The following ELOVL2 variants were observed in gnomAD, a reference collection of about 807,000 sequenced individuals.
The protein encoded by ELOVL2 is very long chain fatty acid elongase 2.
ELOVL2 carries 38 observed loss-of-function variants against 37.7 expected under a neutral mutation model. The observed-to-expected ratio is 1.01, with a 90% CI of 0.78 to 1.32. The LOEUF (loss-of-function observed/expected upper bound fraction) is 1.32, where lower values mean the gene tolerates loss of function less well. Among genes scored for constraint, ELOVL2 ranks in the 40% most tolerant of loss-of-function variants. The pLI is 0.00. For missense variants in ELOVL2, 352 were observed against 363.6 expected (o/e 0.97, Z 0.26); for synonymous variants, 115 against 122.3 (o/e 0.94, Z 0.40).
At chr6:10,993,867 T>C (rs1782212539) in intron 5 of ELOVL2, among the ~76,000 whole-genome samples, 1 of 119,890 alleles carries the variant, frequency 8.3e-6, no homozygotes, top group East Asian at 3.1e-4. Flanking sequence ...ATTTTTTTTT[T>C]TTTTTTTTTT....
rs186934807 is a variant in ELOVL2, at chr6:11,029,923, T to C, written c.3+14305A>G. Among the ~76,000 whole-genome samples, 8 of 152,360 alleles carry C rather than the reference T, an allele frequency of 5.3e-5. No homozygotes were observed. In the East Asian group the frequency reaches 9.6e-4, roughly 18 times the overall value. ...GCTCTCCTTATTCCTTTATGCTCACTGCCCAGCTTGCCTCAGTTTCCCTAT... is the reference window on the plus strand; with the variant it reads ...GCTCTCCTTATTCCTTTATGCTCACCGCCCAGCTTGCCTCAGTTTCCCTAT... On this transcript the variant is annotated intron_variant, in intron 1 of 7. Coordinates refer to ENST00000354666, the MANE Select transcript of ELOVL2 (RefSeq NM_017770.4).
chr6:11,004,576 G>A (rs1782447156), intron 3 of ELOVL2, among the ~76,000 whole-genome samples: 1 of 152,040 alleles, frequency 6.6e-6, no homozygotes, highest in Non-Finnish European at 1.5e-5. Flanking sequence ...TGGAGCACAG[G>A]ATGTAACAAA....
intron 1 of ELOVL2, among the ~76,000 whole-genome samples, chr6:11,033,450 C>T (rs915653192): frequency 6.6e-6 from 1 of 152,078 alleles, no homozygotes; most frequent in Non-Finnish European, 1.5e-5. Flanking sequence ...GGGGTTAAGG[C>T]TTTAGATTAA....
intron 6 of ELOVL2, among the ~76,000 whole-genome samples, chr6:10,990,046 G>A (rs530700935): frequency 3.3e-5 from 5 of 152,276 alleles, no homozygotes; most frequent in East Asian, 3.9e-4. Flanking sequence ...TGGAAAAGTC[G>A]CAGTTAAAAT....
intron 1 of ELOVL2, among the ~76,000 whole-genome samples, chr6:11,037,567 T>TA (rs566867285): frequency 7.3e-5 from 11 of 150,454 alleles, no homozygotes; most frequent in African/African-American, 2.7e-4. Context: ...GTGATGGCCT[T>TA]ACTTCTCTTG....
intron 1 of ELOVL2, among the ~76,000 whole-genome samples, chr6:11,033,583 A>G (rs543895802): frequency 6.6e-6 from 1 of 152,346 alleles, no homozygotes; most frequent in Admixed American, 6.5e-5. Flanking sequence ...CAATGAAACA[A>G]TTTTCAAAAA....
chr6:10,983,974 T>C, intron 7 of ELOVL2, 68 bp from the exon 8 acceptor site: 1 of 1,384,214 alleles, frequency 7.2e-7, no homozygotes, highest in Non-Finnish European at 9.9e-7. Flanking sequence ...TCTTTAACAG[T>C]GCATATAGTT....
rs373144042 is a variant in ELOVL2, at chr6:10,991,725, CACAA to C, written c.506-1287_506-1284del. 1.0e-3 allele frequency among the ~76,000 whole-genome samples: 155 copies of C among 152,248 alleles called. 1 individual carries two copies. Among genetic ancestry groups the C allele is most frequent in the African/African-American group, 2.9e-3 (121 of 41,542 alleles). On this transcript the variant is annotated intron_variant, in intron 5 of 7. Transcript: ENST00000354666. ...TACGGCGCTTGAATTTATATGAAAA[CACAA>C]ACAGAGTTTCAGACTACCAAGCAGC...
intron 1 of ELOVL2, among the ~76,000 whole-genome samples, chr6:11,041,372 A>G (rs1051353905): frequency 2.6e-5 from 4 of 152,234 alleles, no homozygotes; most frequent in African/African-American, 9.6e-5. Flanking sequence ...AAACGTTTTG[A>G]AGGAAACTAG....
intron 4 of ELOVL2, among the ~76,000 whole-genome samples, chr6:10,997,445 A>G (rs1223423370): frequency 6.6e-6 from 1 of 152,150 alleles, no homozygotes; most frequent in Non-Finnish European, 1.5e-5. Context: ...ATGTCTTTTT[A>G]TAATTAGTTT....
At chr6:10,999,076 T>C (rs910411610) in intron 4 of ELOVL2, among the ~76,000 whole-genome samples, 22 of 152,278 alleles carry the variant, frequency 1.4e-4, no homozygotes, top group African/African-American at 5.3e-4. Context: ...AATAAAAAAA[T>C]TACTGAATAC....
chr6:10,988,846 T>G (rs1208497742), intron 7 of ELOVL2, among the ~76,000 whole-genome samples: 1 of 152,252 alleles, frequency 6.6e-6, no homozygotes, highest in Non-Finnish European at 1.5e-5. Context: ...ATTTTGAAGC[T>G]GTCTTCCATT....
At chr6:11,031,195 A>C (rs188639168) in intron 1 of ELOVL2, among the ~76,000 whole-genome samples, 1 of 152,266 alleles carries the variant, frequency 6.6e-6, no homozygotes, top group Non-Finnish European at 1.5e-5. Flanking sequence ...CCTCCTTACT[A>C]ATGGATATAT....
intron 5 of ELOVL2, among the ~76,000 whole-genome samples, chr6:10,993,515 T>A (rs1161206000): frequency 6.6e-6 from 1 of 152,182 alleles, no homozygotes; most frequent in Non-Finnish European, 1.5e-5. Context: ...ACAGAGTAAT[T>A]TTACCCATGT....
At chr6:11,012,221 G>A (rs907048242) in intron 1 of ELOVL2, among the ~76,000 whole-genome samples, 4 of 152,296 alleles carry the variant, frequency 2.6e-5, no homozygotes, top group Middle Eastern at 3.4e-3. Context: ...TTGCTGGCCA[G>A]CATATAAGGA....
At chr6:11,038,356 C>CTGTAG (rs1255205987) in intron 1 of ELOVL2, among the ~76,000 whole-genome samples, 1 of 152,094 alleles carries the variant, frequency 6.6e-6, no homozygotes, top group Non-Finnish European at 1.5e-5. Context: ...TGGTGTGCGC[C>CTGTAG]TGTAGTCCCA....
At chr6:11,019,114 C>T (rs1012799243) in intron 1 of ELOVL2, among the ~76,000 whole-genome samples, 5 of 152,156 alleles carry the variant, frequency 3.3e-5, no homozygotes, top group African/African-American at 1.2e-4. Flanking sequence ...ATCAGCTAGT[C>T]CTTGCCAACA....
chr6:11,040,935 G>A (rs1783090428), intron 1 of ELOVL2, among the ~76,000 whole-genome samples: 1 of 152,118 alleles, frequency 6.6e-6, no homozygotes, highest in South Asian at 2.1e-4. Context: ...ATAAATTTCA[G>A]AACAAGTTAT....
chr6:10,996,015 T>C (rs1327899699), intron 4 of ELOVL2, among the ~76,000 whole-genome samples: 1 of 152,210 alleles, frequency 6.6e-6, no homozygotes, highest in Non-Finnish European at 1.5e-5. Context: ...TCCTTGCTAA[T>C]GGTGGGAGGT....
Sources: gnomAD v4.1 joint callset for allele counts (sites outside exome capture counted in the v4.1 genomes callset) on GRCh38, gnomAD v4.1.1 for gene constraint, MANE v1.5 for transcripts, NCBI Gene and HGNC (gene_info 2026-07-23, HGNC 2026-07-21) for gene names.